The following TMPRSS15 variants were observed in gnomAD, a reference collection of about 807,000 sequenced individuals.
The protein encoded by TMPRSS15 is transmembrane serine protease 15.
TMPRSS15 carries 128 observed loss-of-function variants against 125.3 expected under a neutral mutation model. The observed-to-expected ratio is 1.02, with a 90% CI of 0.89 to 1.18. The LOEUF (loss-of-function observed/expected upper bound fraction) is 1.18. Ranked by LOEUF, TMPRSS15 falls within the 50% of genes most tolerant of loss-of-function variation. The pLI, the probability that TMPRSS15 is intolerant of heterozygous loss-of-function variation, is 0.00. For synonymous variants in TMPRSS15, 446 were observed against 423.2 expected (o/e 1.05, Z -0.66); for missense variants, 1,283 against 1,212.7 (o/e 1.06, Z -0.86).
intron 1 of TMPRSS15, among the ~76,000 whole-genome samples, chr21:18,431,983 A>G (rs2076217151): frequency 6.6e-6 from 1 of 152,178 alleles, no homozygotes; most frequent in Non-Finnish European, 1.5e-5. Flanking sequence ...AAGTAAAATT[A>G]TTGGGTGAAT....
intron 1 of TMPRSS15, among the ~76,000 whole-genome samples, chr21:18,433,160 G>T (rs2076219944): frequency 6.6e-6 from 1 of 152,100 alleles, no homozygotes; most frequent in Non-Finnish European, 1.5e-5. Flanking sequence ...TGGAGTCATT[G>T]TTGCACCTGA....
intron 1 of TMPRSS15, among the ~76,000 whole-genome samples, chr21:18,470,008 G>A (rs2300506): frequency 0.55 from 83,416 of 151,430 alleles, 23,609 homozygotes; most frequent in East Asian, 0.92. Flanking sequence ...AATATATTTT[G>A]CATTGTTATT....
In TMPRSS15 at chr21:18,372,296, A is replaced by C. The variant is rs1439326786; in HGVS notation, c.561T>G (p.Gly187=). The change falls in exon 6 of 25, where the codon GGT becomes GGG. Residue 187 remains glycine (G), a synonymous_variant. Coordinates refer to ENST00000284885, the MANE Select transcript of TMPRSS15 (RefSeq NM_002772.3). ...TTAGAGCATCAGTACAAGGACTTGA[A>C]CCAGGCAGGCACTCTATTGAGACAT... ...PGNVSIECLP[G]SSPCTDALTC... The C allele has an allele frequency of 1.9e-6, 3 of 1,613,314 alleles. No homozygotes were observed. The highest frequency in any genetic ancestry group is 2.5e-6 in the Non-Finnish European group (3 of 1,179,538).
intron 1 of TMPRSS15, among the ~76,000 whole-genome samples, chr21:18,426,489 A>T (rs1320153726): frequency 6.6e-6 from 1 of 152,216 alleles, no homozygotes; most frequent in East Asian, 1.9e-4. Flanking sequence ...TGATATGTCA[A>T]CAAAATATAA....
chr21:18,336,523 T>C (rs1474417490), intron 13 of TMPRSS15, among the ~76,000 whole-genome samples: 1 of 152,236 alleles, frequency 6.6e-6, no homozygotes, highest in Non-Finnish European at 1.5e-5. Context: ...TAACAAGTTA[T>C]AGTGATCATT....
intron 18 of TMPRSS15, among the ~76,000 whole-genome samples, chr21:18,310,313 C>G (rs2075086361): frequency 6.6e-6 from 1 of 151,922 alleles, no homozygotes; most frequent in Non-Finnish European, 1.5e-5. Context: ...ACAGAAAAAC[C>G]TAAATACTCC....
At chr21:18,376,394 C>A (rs528742431) in intron 5 of TMPRSS15, among the ~76,000 whole-genome samples, 1 of 152,086 alleles carries the variant, frequency 6.6e-6, no homozygotes, top group South Asian at 2.1e-4. Context: ...GTCACAATAC[C>A]TTTGGTATCA....
chr21:18,290,725 G>T (rs903393027), intron 21 of TMPRSS15, among the ~76,000 whole-genome samples: 3 of 152,106 alleles, frequency 2.0e-5, no homozygotes, highest in African/African-American at 4.8e-5. Flanking sequence ...TTTCATTAAT[G>T]TTAAATTTCC....
At chr21:18,295,510 C>A (rs1003506197) in intron 19 of TMPRSS15, among the ~76,000 whole-genome samples, 2 of 152,194 alleles carry the variant, frequency 1.3e-5, no homozygotes, top group African/African-American at 4.8e-5. Flanking sequence ...TTAGCTACAG[C>A]TAATTGTGCA....
chr21:18,302,396 C>A (rs149017809), intron 18 of TMPRSS15, among the ~76,000 whole-genome samples: 1 of 152,262 alleles, frequency 6.6e-6, no homozygotes, highest in African/African-American at 2.4e-5. Flanking sequence ...AAAGTAAAGG[C>A]ATGTGGGCAG....
In TMPRSS15 at chr21:18,271,174, G is replaced by A. The variant is rs558653873; in HGVS notation, c.2905-1050C>T. 7.2e-5 allele frequency among the ~76,000 whole-genome samples: 11 copies of A among 152,314 alleles called. No homozygotes were observed. The East Asian group carries it at 2.1e-3, about 29-fold the overall frequency. On this transcript the variant is annotated intron_variant, in intron 24 of 24. Transcript: ENST00000284885. Reference sequence around the variant, plus strand: ...TGTAACAAATGTGTGCAAGGTGTTTGAAAGCAGGGACTGTGATTTCTATTT... The same window carrying A: ...TGTAACAAATGTGTGCAAGGTGTTTAAAAGCAGGGACTGTGATTTCTATTT...
At chr21:18,405,730 G>A (rs763635760), upstream of TMPRSS15, among the ~76,000 whole-genome samples, 1 of 151,990 alleles carries the variant, frequency 6.6e-6, no homozygotes, top group African/African-American at 2.4e-5. Flanking sequence ...ATCTCACACC[G>A]TGAAGAGACA....
intron 1 of TMPRSS15, among the ~76,000 whole-genome samples, chr21:18,441,208 G>A (rs780796546): frequency 3.3e-5 from 5 of 151,474 alleles, no homozygotes; most frequent in South Asian, 2.1e-4. Context: ...CAGGAGAATC[G>A]CTTGAACCTG....
At chr21:18,305,035 G>A (rs1274319309) in intron 18 of TMPRSS15, among the ~76,000 whole-genome samples, 1 of 152,016 alleles carries the variant, frequency 6.6e-6, no homozygotes, top group Non-Finnish European at 1.5e-5. Context: ...AACAAAGGTT[G>A]AGAGCACTTA....
In TMPRSS15 at chr21:18,381,355, TA is replaced by T. The variant is rs1333429784; in HGVS notation, c.497-2038del. Among the ~76,000 whole-genome samples, 12 of 152,260 alleles carry T rather than the reference TA, an allele frequency of 7.9e-5. 1 individual carries two copies. In the South Asian group the frequency reaches 1.2e-3, roughly 16 times the overall value. On this transcript the variant is annotated intron_variant, in intron 4 of 24. Transcript: ENST00000284885. ...AAAATAAAATTTATGTGACTTTTCA[TA>T]AATAATATGGTTAAATTTTTTATGT...
chr21:18,284,925 C>T (rs1160915608), intron 21 of TMPRSS15, among the ~76,000 whole-genome samples: 2 of 151,820 alleles, frequency 1.3e-5, no homozygotes, highest in African/African-American at 4.8e-5. Context: ...TGCTTGAACC[C>T]GGGAGGCAGA....
chr21:18,302,317 C>G (rs771288248), intron 18 of TMPRSS15, among the ~76,000 whole-genome samples: 12 of 152,052 alleles, frequency 7.9e-5, no homozygotes, highest in Non-Finnish European at 1.5e-4. Context: ...GGACAGAAGG[C>G]AGGGGGACCA....
chr21:18,383,810 AG>A (rs1299796646), intron 3 of TMPRSS15, 32 bp from the exon 4 acceptor site: 4 of 1,605,156 alleles, frequency 2.5e-6, no homozygotes, highest in Non-Finnish European at 3.4e-6. Flanking sequence ...AAGAGGAAAA[AG>A]TCAGCCATCT....
At chr21:18,344,116 G>A in intron 10 of TMPRSS15, 56 bp from the exon 11 acceptor site, 1 of 1,400,578 alleles carries the variant, frequency 7.1e-7, no homozygotes, top group South Asian at 1.2e-5. Context: ...TTCATTGTGT[G>A]ACAAGTAGAC....
Sources: gnomAD v4.1 joint callset for allele counts (sites outside exome capture counted in the v4.1 genomes callset) on GRCh38, gnomAD v4.1.1 for gene constraint, MANE v1.5 for transcripts, NCBI Gene and HGNC (gene_info 2026-07-23, HGNC 2026-07-21) for gene names.